The following MB21D2 variants were observed in gnomAD, a reference collection of about 807,000 sequenced individuals.
MB21D2 encodes Mab-21 domain containing 2, also known as nucleotidyltransferase MB21D2.
Under a neutral mutation model 33.3 loss-of-function variants are expected in MB21D2, and 9 were observed. The ratio of observed to expected loss-of-function variants is 0.27; its 90% CI spans 0.16 to 0.47. MB21D2 has a LOEUF of 0.47. Among genes scored for constraint, MB21D2 ranks in the 20% least tolerant of loss-of-function variants. MB21D2 has a pLI of 0.99. For synonymous variants in MB21D2, 241 were observed against 236.3 expected (o/e 1.02, Z -0.18); for missense variants, 540 against 624.6 (o/e 0.86, Z 1.44).
Position 192,917,688 on chromosome 3 carries a change from GT to G in MB21D2, c.152del (p.Tyr51SerfsTer52), listed in dbSNP as rs1376018349. 2 of 1,614,040 alleles carry G rather than the reference GT, an allele frequency of 1.2e-6. No individual in the cohort carries two copies. The highest frequency in any genetic ancestry group is 1.7e-6 in the Non-Finnish European group (2 of 1,180,044). On this transcript the variant is annotated frameshift_variant, in exon 1 of 2. Coordinates refer to ENST00000392452, the MANE Select transcript of MB21D2 (RefSeq NM_178496.4). LOFTEE classifies it high-confidence loss of function. ...QEFTKHDQRE[Y>X]DDQRALEIHT... is the part of the protein sequence containing the mutation. ...GAATCTCCAGCGCTCTCTGGTCGTC[GT>G]ATTCCCGCTGGTCGTGCTTCGTAAA...
At position 192,798,551 on chromosome 3, in the gene MB21D2, G is replaced by T. The variant is rs145909898; in HGVS notation, c.1311C>A (p.Ile437=). The T allele has an allele frequency of 1.8e-3, 2,938 of 1,614,210 alleles. 2 individuals carry two copies. The highest frequency in any genetic ancestry group is 2.3e-3 in the Non-Finnish European group (2,695 of 1,180,048). The change falls in exon 2 of 2, where the codon ATC becomes ATA. Residue 437 remains isoleucine, a synonymous_variant. Coordinates refer to ENST00000392452, the MANE Select transcript of MB21D2 (RefSeq NM_178496.4). This position sits in a 1 kb window ranked among gnomAD's most constrained non-coding sequence, Gnocchi z 4.8. ...CCCCTCCGTCAGACTGTGGAGAGGG[G>T]ATGCTGGTGGTGCTACCTCGCCTCT... ...ELQRRGSTTS[I]PSPQSDGGDP...
intron 1 of MB21D2, among the ~76,000 whole-genome samples, chr3:192,870,699 G>GAAGAAAAAAAA (rs1553859970): frequency 1.7e-4 from 7 of 41,670 alleles, no homozygotes; most frequent in African/African-American, 6.5e-4. Flanking sequence ...CGACTCCGTT[G>GAAGAAAAAAAA]AAAAAAAAAA....
rs544336057 is a variant in MB21D2 at position 192,884,619 on chromosome 3, G to T, written c.211+33011C>A. Among the ~76,000 whole-genome samples, 6 of 152,072 alleles carry T rather than the reference G, an allele frequency of 3.9e-5. No homozygotes were observed. The Middle Eastern group carries it at 0.017, about 431-fold the overall frequency. On this transcript the variant is annotated intron_variant, in intron 1 of 1. Transcript: ENST00000392452. Reference sequence around the variant, plus strand: ...CCTGACCTCGTGATCTGCCCGCCTTGGCCTCCCAAAGTGCTGGCATTACAG... The same window carrying T: ...CCTGACCTCGTGATCTGCCCGCCTTTGCCTCCCAAAGTGCTGGCATTACAG...
At position 192,799,590 on chromosome 3, in the gene MB21D2, C is replaced by G. The variant is rs1289392197; in HGVS notation, c.272G>C (p.Gly91Ala). 6.2e-7 allele frequency: 1 copy of G among 1,614,076 alleles called. No individual in the cohort carries two copies. Residue 91 changes from glycine (G) to alanine (A), a missense_variant, in exon 2 of 2, where the codon GGA (glycine) becomes GCA (alanine). Coordinates refer to ENST00000392452, the MANE Select transcript of MB21D2 (RefSeq NM_178496.4). The surrounding 1 kb of genome is among the most constrained non-coding windows in gnomAD (Gnocchi z 4.1). Reference sequence around the variant, plus strand: ...GTCCACCACGCCTTCCCGGACACCTCCAGAGAGCAACAGGTATTCATTAGC... The same window carrying G: ...GTCCACCACGCCTTCCCGGACACCTGCAGAGAGCAACAGGTATTCATTAGC... ...PVANEYLLLS[G>A]GVREGVVDLD...
chr3:192,818,742 T>C (rs1711980397), intron 1 of MB21D2, among the ~76,000 whole-genome samples: 2 of 152,214 alleles, frequency 1.3e-5, no homozygotes, highest in African/African-American at 4.8e-5. Flanking sequence ...GATATGGTCA[T>C]AACTCTGCTT....
At chr3:192,916,373 T>C (rs1467163026) in intron 1 of MB21D2, among the ~76,000 whole-genome samples, 1 of 152,048 alleles carries the variant, frequency 6.6e-6, no homozygotes, top group Admixed American at 6.5e-5. Context: ...TATCCCAGGA[T>C]AGAAGCAGCA....
intron 1 of MB21D2, among the ~76,000 whole-genome samples, chr3:192,805,079 C>A (rs1711635176): frequency 6.6e-6 from 1 of 152,230 alleles, no homozygotes; most frequent in Admixed American, 6.5e-5. Flanking sequence ...TGCATTCCAA[C>A]ATTTGCGCAA....
At chr3:192,817,027 C>G (rs1560229282) in intron 1 of MB21D2, among the ~76,000 whole-genome samples, 2 of 152,202 alleles carry the variant, frequency 1.3e-5, no homozygotes, top group African/African-American at 4.8e-5. Context: ...GTTCACACTT[C>G]TGTAGGTTAA....
At chr3:192,845,899 T>C (rs970939730) in intron 1 of MB21D2, among the ~76,000 whole-genome samples, 1 of 151,682 alleles carries the variant, frequency 6.6e-6, no homozygotes, top group Non-Finnish European at 1.5e-5. Flanking sequence ...GGCAATACAG[T>C]GAGACCCTGT....
intron 1 of MB21D2, among the ~76,000 whole-genome samples, chr3:192,912,647 T>C (rs1714380887): frequency 6.6e-6 from 1 of 151,510 alleles, no homozygotes. Flanking sequence ...CACTCCAGCC[T>C]GGGCAACAAG....
intron 1 of MB21D2, among the ~76,000 whole-genome samples, chr3:192,895,359 T>C (rs1713943478): frequency 6.6e-6 from 1 of 152,224 alleles, no homozygotes; most frequent in East Asian, 1.9e-4. Context: ...CTCTCAATTA[T>C]ATCTCTTCTG....
chr3:192,894,260 C>G (rs1287618673), intron 1 of MB21D2, among the ~76,000 whole-genome samples: 1 of 151,674 alleles, frequency 6.6e-6, no homozygotes, highest in Non-Finnish European at 1.5e-5. Flanking sequence ...TCAGGAGTAG[C>G]TGGGATTATA....
At chr3:192,909,464 T>C (rs937780067) in intron 1 of MB21D2, among the ~76,000 whole-genome samples, 15 of 152,188 alleles carry the variant, frequency 9.9e-5, no homozygotes, top group Non-Finnish European at 1.8e-4. Flanking sequence ...GGATTTCTAT[T>C]GGCAACAAAA....
chr3:192,906,377 C>A (rs1330339867), intron 1 of MB21D2, among the ~76,000 whole-genome samples: 1 of 152,196 alleles, frequency 6.6e-6, no homozygotes, highest in Non-Finnish European at 1.5e-5. Context: ...GGCAGCCCCA[C>A]CCCATCATAA....
chr3:192,845,476 TCTATGCTC>T (rs1712661424), intron 1 of MB21D2, among the ~76,000 whole-genome samples: 1 of 152,228 alleles, frequency 6.6e-6, no homozygotes, highest in Non-Finnish European at 1.5e-5. Context: ...AGCATCCTCA[TCTATGCTC>T]CTATGCTCCA....
At chr3:192,894,016 CAG>C (rs1713912127) in intron 1 of MB21D2, among the ~76,000 whole-genome samples, 2 of 152,230 alleles carry the variant, frequency 1.3e-5, no homozygotes, top group African/African-American at 2.4e-5. Context: ...GCCTAGGGAA[CAG>C]AGACAGACTC....
chr3:192,854,490 C>T (rs915461489), intron 1 of MB21D2, among the ~76,000 whole-genome samples: 4 of 152,170 alleles, frequency 2.6e-5, no homozygotes, highest in African/African-American at 9.6e-5. Flanking sequence ...CATAGAAGTG[C>T]AAAGTGAAGT....
At position 192,814,698 on chromosome 3, in the gene MB21D2, TAAA is replaced by T. The variant is rs11361135; in HGVS notation, c.212-15051_212-15049del. ...TAACACGGTGAAACCCTGTCTCTAC[TAAA>T]AAAAATACAAAAAATTACCCAGGCG... On this transcript the variant is annotated intron_variant, in intron 1 of 1. Coordinates refer to ENST00000392452, the MANE Select transcript of MB21D2 (RefSeq NM_178496.4). Among the ~76,000 whole-genome samples, 105 of 151,388 alleles carry T rather than the reference TAAA, an allele frequency of 6.9e-4. 2 individuals are homozygous for T. The South Asian group carries it at 8.4e-3, about 12-fold the overall frequency.
At chr3:192,905,635 C>CAAAAAA (rs142676577) in intron 1 of MB21D2, among the ~76,000 whole-genome samples, 1 of 84,956 alleles carries the variant, frequency 1.2e-5, no homozygotes, top group Non-Finnish European at 2.2e-5. Flanking sequence ...CGCCCTGTCT[C>CAAAAAA]AAAAAAAAAA....
Sources: allele counts gnomAD v4.1 joint callset (sites outside exome capture counted in the v4.1 genomes callset), GRCh38; gene constraint gnomAD v4.1.1; non-coding constraint Gnocchi (gnomAD v3.1); transcripts MANE v1.5; gene names NCBI Gene and HGNC (gene_info 2026-07-23, HGNC 2026-07-21).